The following ABCA12 variants were observed in gnomAD, a reference collection of about 807,000 sequenced individuals.
ABCA12 encodes ATP binding cassette subfamily A member 12, also known as glucosylceramide transporter ABCA12.
Under a neutral mutation model 293.5 loss-of-function variants are expected in ABCA12, and 156 were observed. That is an observed-to-expected ratio of 0.53 (90% CI 0.47 to 0.61). The LOEUF (loss-of-function observed/expected upper bound fraction) is 0.61. Among genes scored for constraint, ABCA12 ranks in the 20% least tolerant of loss-of-function variants. The probability of loss-of-function intolerance (pLI) is 0.00; values close to 1 mark genes in which losing one functional copy is unlikely to be tolerated. For synonymous variants in ABCA12, 1,063 were observed against 1,108.0 expected, an observed-to-expected ratio of 0.96 and a Z score of 0.81; for missense variants, 2,797 against 3,090.2, an observed-to-expected ratio of 0.91 and a Z score of 2.25.
intron 14 of ABCA12, among the ~76,000 whole-genome samples, chr2:215,016,321 C>G (rs1217458538): frequency 1.3e-5 from 2 of 151,154 alleles, no homozygotes; most frequent in South Asian, 4.2e-4. Flanking sequence ...CGGTGGCTCA[C>G]GCCTCTAATC....
At chr2:214,966,177 C>T (rs977497879) in intron 39 of ABCA12, among the ~76,000 whole-genome samples, 2 of 152,150 alleles carry the variant, frequency 1.3e-5, no homozygotes, top group African/African-American at 4.8e-5. Flanking sequence ...TAAGTGGGAG[C>T]TGAATGGTGA....
rs1055128834 is a variant in ABCA12 at position 214,931,947 on chromosome 2, C to T, written c.*687G>A. ...AGTGATTTCTTGTTCCACCCTGCAGCTTACTATTGGCAAGGCATGGCAGGA... is the reference window on the plus strand; with the variant it reads ...AGTGATTTCTTGTTCCACCCTGCAGTTTACTATTGGCAAGGCATGGCAGGA... On this transcript the variant is annotated 3_prime_UTR_variant, in exon 53 of 53. Transcript: ENST00000272895. 2 of 152,166 alleles carry T rather than the reference C, an allele frequency of 1.3e-5. No individual in the cohort carries two copies. The highest frequency in any genetic ancestry group is 2.9e-5 in the Non-Finnish European group (2 of 68,278). The allele number at this position is 152,166 out of a possible 1,614,324, so 9.4% of individuals were successfully genotyped here.
At position 215,138,441 on chromosome 2, in the gene ABCA12, G is replaced by A. The variant is rs1703279054; in HGVS notation, c.-233C>T. ...CAATCAACTCTTCTTCCAAAAGAAG[G>A]ACCCAGATCAGTATCTTTGGGTGGC... On this transcript the variant is annotated 5_prime_UTR_variant, in exon 1 of 53. Transcript: ENST00000272895. 3 of 567,796 alleles carry A rather than the reference G, an allele frequency of 5.3e-6. No individual in the cohort carries two copies. Among genetic ancestry groups the A allele is most frequent in the African/African-American group, 3.8e-5 (2 of 52,898 alleles). 35.2% of individuals were successfully genotyped at this position (567,796 alleles called of 1,614,324 possible). A position where few individuals can be genotyped will look rare whatever the true frequency, so the allele number is the denominator to read the frequency against.
chr2:214,947,648 A>G, intron 47 of ABCA12, 92 bp from the exon 48 acceptor site: 6 of 1,409,048 alleles, frequency 4.3e-6, no homozygotes, highest in Non-Finnish European at 5.9e-6. Context: ...CATGAAAAGA[A>G]AATGTTATCA....
intron 44 of ABCA12, 80 bp from the exon 45 acceptor site, chr2:214,951,163 A>G: frequency 2.4e-6 from 3 of 1,253,092 alleles, no homozygotes; most frequent in Non-Finnish European, 3.5e-6. Flanking sequence ...ATGGGTTTTC[A>G]TGTCACTAAC....
chr2:214,987,631 G>T lies in ABCA12; in HGVS notation c.3976+16C>A. On this transcript the variant is annotated intron_variant, in intron 27 of 52. Transcript: ENST00000272895. The stretch of plus-strand genomic sequence containing the variant: ...TTCTCTCATAACAAAGCACGCTGTT[G>T]ACCGACTTGTCTTACTGGCAGATGG... 2 of 1,607,574 alleles carry T rather than the reference G, an allele frequency of 1.2e-6. No homozygotes were observed. The highest frequency in any genetic ancestry group is 2.2e-5 in the South Asian group (2 of 90,546).
intron 36 of ABCA12, among the ~76,000 whole-genome samples, chr2:214,970,895 T>C (rs1699371688): frequency 6.6e-6 from 1 of 152,038 alleles, no homozygotes; most frequent in Non-Finnish European, 1.5e-5. Flanking sequence ...TTAGTTAATA[T>C]TATATATGTA....
At position 215,138,240 on chromosome 2, in the gene ABCA12, T is replaced by C. The variant is rs1226713999; in HGVS notation, c.-32A>G. The C allele has an allele frequency of 6.2e-7, 1 of 1,610,916 alleles. No individual in the cohort carries two copies. Among genetic ancestry groups the C allele is most frequent in the Non-Finnish European group, 8.5e-7 (1 of 1,177,142 alleles). On this transcript the variant is annotated 5_prime_UTR_variant, in exon 1 of 53. Transcript: ENST00000272895. The stretch of plus-strand genomic sequence containing the variant: ...AATGCCCCAAATGAGAGATTTCCTC[T>C]TCTTTTCTCCACTCCACAAATGAAG...
chr2:215,069,241 AT>A (rs1227441103), intron 2 of ABCA12, among the ~76,000 whole-genome samples: 1 of 151,024 alleles, frequency 6.6e-6, no homozygotes, highest in African/African-American at 2.4e-5. Flanking sequence ...TTTTTTCTTA[AT>A]TTCTTTGGAT....
At chr2:214,958,886 A>G in intron 40 of ABCA12, 138 bp downstream of exon 40, 1 of 980,242 alleles carries the variant, frequency 1.0e-6, no homozygotes, top group Non-Finnish European at 1.6e-6. Context: ...ACTTCCTTTG[A>G]TCCCAGTCAG....
At chr2:215,135,039 G>A (rs968733671) in intron 1 of ABCA12, among the ~76,000 whole-genome samples, 27 of 151,592 alleles carry the variant, frequency 1.8e-4, no homozygotes, top group Middle Eastern at 3.5e-3. Context: ...CTCAGCTCAC[G>A]GCAACCTCCA....
chr2:215,043,662 C>T (rs1046614240), intron 7 of ABCA12, among the ~76,000 whole-genome samples: 1 of 151,904 alleles, frequency 6.6e-6, no homozygotes, highest in Non-Finnish European at 1.5e-5. Flanking sequence ...ATTAGGTGTA[C>T]AATTAAATGA....
chr2:215,063,793 A>C (rs1575019624), intron 3 of ABCA12, among the ~76,000 whole-genome samples: 1 of 151,956 alleles, frequency 6.6e-6, no homozygotes, highest in African/African-American at 2.4e-5. Flanking sequence ...AAGGTTGGAT[A>C]GAGAATCTTT....
chr2:215,049,832 A>G (rs1337535059), intron 5 of ABCA12, 21 bp from the exon 6 acceptor site: 12 of 1,592,580 alleles, frequency 7.5e-6, no homozygotes, highest in Non-Finnish European at 9.5e-6. Context: ...GTGTGAAAAG[A>G]GTAAAATAAG....
At chr2:214,988,920 C>T (rs976882116) in intron 26 of ABCA12, among the ~76,000 whole-genome samples, 5 of 150,462 alleles carry the variant, frequency 3.3e-5, no homozygotes, top group African/African-American at 9.8e-5. Flanking sequence ...GGCTCTTGCC[C>T]GTAATCCCAG....
intron 23 of ABCA12, among the ~76,000 whole-genome samples, chr2:214,993,463 C>A (rs940815519): frequency 2.0e-5 from 3 of 152,190 alleles, no homozygotes; most frequent in African/African-American, 7.2e-5. Flanking sequence ...ATTACTGTGT[C>A]ATGTTTGGCG....
chr2:214,983,061 G>A (rs975883681), intron 29 of ABCA12, among the ~76,000 whole-genome samples: 10 of 152,130 alleles, frequency 6.6e-5, no homozygotes, highest in Non-Finnish European at 1.3e-4. Flanking sequence ...AAAGTAAAAA[G>A]CCCTGAGGCT....
At chr2:215,024,561 T>G (rs1419649702) in intron 11 of ABCA12, among the ~76,000 whole-genome samples, 3 of 152,082 alleles carry the variant, frequency 2.0e-5, no homozygotes, top group Non-Finnish European at 4.4e-5. Context: ...CACAAACAAA[T>G]TAAGATAATG....
intron 28 of ABCA12, among the ~76,000 whole-genome samples, chr2:214,984,958 T>C (rs1393647674): frequency 6.6e-6 from 1 of 152,188 alleles, no homozygotes; most frequent in African/African-American, 2.4e-5. Flanking sequence ...TGGGCAATTA[T>C]TTAATACCCA....
Sources: allele counts gnomAD v4.1 joint callset (sites outside exome capture counted in the v4.1 genomes callset), GRCh38; gene constraint gnomAD v4.1.1; transcripts MANE v1.5; gene names NCBI Gene and HGNC (gene_info 2026-07-23, HGNC 2026-07-21).